The following PAK2 variants were observed in gnomAD, a reference collection of about 807,000 sequenced individuals.
PAK2 encodes the protein serine/threonine-protein kinase PAK 2.
PAK2 carries 21 observed loss-of-function variants against 65.9 expected under a neutral mutation model. The ratio of observed to expected loss-of-function variants is 0.32; its 90% CI spans 0.23 to 0.46. PAK2 has a LOEUF of 0.46. Among genes scored for constraint, PAK2 ranks in the 20% least tolerant of loss-of-function variants. The pLI is 1.00. For synonymous variants in PAK2, 204 were observed against 219.7 expected, an observed-to-expected ratio of 0.93 and a Z score of 0.63; for missense variants, 324 against 642.6, an observed-to-expected ratio of 0.50 and a Z score of 5.36.
rs1450959795 is a variant in PAK2 at position 196,820,616 on chromosome 3, C to G, written c.1350+49C>G. Reference sequence around the variant, plus strand: ...TTGTTCAATGTTTTTCTTTGAAACTCTTATTTAGAACTTGCACGTGCCTGG... The same window carrying G: ...TTGTTCAATGTTTTTCTTTGAAACTGTTATTTAGAACTTGCACGTGCCTGG... On this transcript the variant is annotated intron_variant, in intron 13 of 14. Coordinates refer to ENST00000327134, the MANE Select transcript of PAK2 (RefSeq NM_002577.4). The surrounding 1 kb of genome is among the most constrained non-coding windows in gnomAD (Gnocchi z 4.6). 3 of 1,105,354 alleles carry G rather than the reference C, an allele frequency of 2.7e-6. No individual in the cohort carries two copies. The highest frequency in any genetic ancestry group is 1.6e-5 in the African/African-American group (1 of 62,688). 68.5% of individuals were successfully genotyped at this position (1,105,354 alleles called of 1,614,324 possible).
At chr3:196,759,505 T>G (rs111854218) in intron 1 of PAK2, among the ~76,000 whole-genome samples, 1,416 of 16,400 alleles carry the variant, frequency 0.086, 22 homozygotes, top group East Asian at 0.27. Context: ...TTTGTTTTTT[T>G]TTTTTTTTTT....
At chr3:196,815,618 C>A (rs1302565387) in intron 11 of PAK2, among the ~76,000 whole-genome samples, 1 of 151,866 alleles carries the variant, frequency 6.6e-6, no homozygotes, top group South Asian at 2.1e-4. Flanking sequence ...GAAACCCCGT[C>A]TCTACTAAAA....
intron 1 of PAK2, among the ~76,000 whole-genome samples, chr3:196,757,499 A>G (rs1283120351): frequency 1.3e-5 from 2 of 152,066 alleles, no homozygotes; most frequent in African/African-American, 4.8e-5. Context: ...TGAGAAGTGG[A>G]CTTAGGCTTA....
chr3:196,775,846 A>G (rs1714519517), intron 1 of PAK2, among the ~76,000 whole-genome samples: 1 of 152,208 alleles, frequency 6.6e-6, no homozygotes, highest in African/African-American at 2.4e-5. Context: ...ATACCATTGC[A>G]TGCATTTGGG....
intron 11 of PAK2, among the ~76,000 whole-genome samples, chr3:196,815,469 G>A (rs1312622862): frequency 6.7e-6 from 1 of 149,496 alleles, no homozygotes; most frequent in Admixed American, 6.7e-5. Flanking sequence ...TCCATCCTGG[G>A]CAACAGAGCA....
Position 196,807,928 on chromosome 3 carries a change from A to G in PAK2, c.709+14A>G, listed in dbSNP as rs772160750. ...TGGAGAAATTAAGTATGTTATCTAC[A>G]TTTTACATCATTGTTAAATTGTTCA... On this transcript the variant is annotated intron_variant, in intron 7 of 14. Transcript: ENST00000327134. 5.7e-6 allele frequency: 9 copies of G among 1,586,302 alleles called. No homozygotes were observed. The African/African-American group carries it at 1.1e-4, about 19-fold the overall frequency.
At chr3:196,813,482 A>G (rs1158313608) in intron 10 of PAK2, among the ~76,000 whole-genome samples, 1 of 151,684 alleles carries the variant, frequency 6.6e-6, no homozygotes, top group Non-Finnish European at 1.5e-5. Context: ...AGAAAAGAAA[A>G]TGATGTATAT....
intron 1 of PAK2, among the ~76,000 whole-genome samples, chr3:196,748,778 T>C (rs1404857528): frequency 6.6e-6 from 1 of 152,214 alleles, no homozygotes; most frequent in Non-Finnish European, 1.5e-5. Context: ...TGGAGTTTTT[T>C]ATTGTGGTGT....
intron 1 of PAK2, 126 bp downstream of exon 1, chr3:196,740,283 C>G (rs1423249537): frequency 6.6e-6 from 1 of 152,246 alleles, no homozygotes; most frequent in Non-Finnish European, 1.5e-5. Flanking sequence ...GGCCGGGGAG[C>G]CGCCACCTGC....
At chr3:196,776,322 C>T (rs1296716902) in intron 1 of PAK2, among the ~76,000 whole-genome samples, 1 of 152,170 alleles carries the variant, frequency 6.6e-6, no homozygotes, top group Non-Finnish European at 1.5e-5. Flanking sequence ...GGGAAGTACT[C>T]ATAAGGTACT....
At chr3:196,788,980 A>G (rs1043827752) in intron 2 of PAK2, among the ~76,000 whole-genome samples, 1 of 152,232 alleles carries the variant, frequency 6.6e-6, no homozygotes, top group South Asian at 2.1e-4. Flanking sequence ...TACAGAGCTC[A>G]CATTTTATCC....
intron 1 of PAK2, among the ~76,000 whole-genome samples, chr3:196,780,386 G>A (rs371112072): frequency 1.3e-4 from 20 of 152,200 alleles, no homozygotes; most frequent in East Asian, 5.8e-4. Flanking sequence ...CAATCATGGC[G>A]GAAGGCGAGG....
intron 4 of PAK2, among the ~76,000 whole-genome samples, chr3:196,804,845 A>AT (rs1415859771): frequency 2.5e-4 from 37 of 149,774 alleles, no homozygotes; most frequent in African/African-American, 7.9e-4. Flanking sequence ...ATATATATAT[A>AT]CACACACACA....
At chr3:196,754,260 T>A (rs1314034105) in intron 1 of PAK2, among the ~76,000 whole-genome samples, 1 of 152,210 alleles carries the variant, frequency 6.6e-6, no homozygotes, top group Non-Finnish European at 1.5e-5. Context: ...TGAAGGGTAA[T>A]CTTCCTTGTG....
intron 2 of PAK2, among the ~76,000 whole-genome samples, chr3:196,796,971 C>T (rs1715276625): frequency 6.6e-6 from 1 of 152,080 alleles, no homozygotes; most frequent in East Asian, 1.9e-4. Flanking sequence ...AAGAAACAGA[C>T]AAATTCAATT....
At chr3:196,814,856 T>C (rs901986730) in intron 11 of PAK2, among the ~76,000 whole-genome samples, 10 of 152,118 alleles carry the variant, frequency 6.6e-5, no homozygotes, top group African/African-American at 1.7e-4. Context: ...CAGGACACTT[T>C]TGAGAGTAAA....
chr3:196,743,883 A>AAAAC (rs56965790), intron 1 of PAK2, among the ~76,000 whole-genome samples: 3,603 of 152,090 alleles, frequency 0.024, 122 homozygotes, highest in Admixed American at 0.1. Flanking sequence ...CTCCGTCTCA[A>AAAAC]AAACAAACAA....
Position 196,830,729 on chromosome 3 carries a change from G to A in PAK2, c.*2324G>A, listed in dbSNP as rs1290826219. 6.6e-6 allele frequency: 1 copy of A among 152,168 alleles called. No homozygotes were observed. The highest frequency in any genetic ancestry group is 2.1e-4 in the South Asian group (1 of 4,828). 9.4% of individuals were successfully genotyped at this position (152,168 alleles called of 1,614,324 possible). Reference sequence around the variant, plus strand: ...ACGCTGTGGTTTATTCTTAAGTTACGTGGATAAACTAACCTCTAACAGAAA... The same window carrying A: ...ACGCTGTGGTTTATTCTTAAGTTACATGGATAAACTAACCTCTAACAGAAA... On this transcript the variant is annotated 3_prime_UTR_variant, in exon 15 of 15. Transcript: ENST00000327134.
intron 1 of PAK2, among the ~76,000 whole-genome samples, chr3:196,759,138 A>C (rs1713860347): frequency 6.6e-6 from 1 of 152,166 alleles, no homozygotes; most frequent in African/African-American, 2.4e-5. Flanking sequence ...CGTTGAAGTG[A>C]TCTTTTCCTG....
Sources: allele counts gnomAD v4.1 joint callset (sites outside exome capture counted in the v4.1 genomes callset), GRCh38; gene constraint gnomAD v4.1.1; non-coding constraint Gnocchi (gnomAD v3.1); transcripts MANE v1.5; gene names NCBI Gene and HGNC (gene_info 2026-07-23, HGNC 2026-07-21).